The following ZNF676 variants were observed in gnomAD, a reference collection of about 807,000 sequenced individuals.
ZNF676 encodes zinc finger protein 676.
In ZNF676, 4 loss-of-function variants were observed where a neutral mutation model predicts 6.0. That is an observed-to-expected ratio of 0.67 (90% CI 0.33 to 1.53). The LOEUF is 1.53. Among genes scored for constraint, ZNF676 ranks in the 40% most tolerant of loss-of-function variants. ZNF676 has a pLI of 0.06. For synonymous variants in ZNF676, 198 were observed against 223.1 expected (o/e 0.89, Z 1.00); for missense variants, 644 against 679.7 (o/e 0.95, Z 0.58).
the ZNF676 span, among the ~76,000 whole-genome samples, chr19:22,238,790 G>A: frequency 5.3e-5 from 8 of 152,266 alleles, no homozygotes; most frequent in South Asian, 1.0e-3. Flanking sequence ...TGATGTTCAA[G>A]GGCAGGAAGC....
At position 22,181,357 on chromosome 19, in the gene ZNF676, G is replaced by A. The variant is rs754722505; in HGVS notation, c.360C>T (p.Asn120=). Reference sequence around the variant, plus strand: ...TTGAATTTGAACATTTATGAAAGACGTTTGCATATTTGCCACATTGAAATA... The same window carrying A: ...TTGAATTTGAACATTTATGAAAGACATTTGCATATTTGCCACATTGAAATA... ...SKVFQCGKYA[N]VFHKCSNSNR... Residue 120 remains asparagine, a synonymous_variant, in exon 3 of 3, where the codon AAC becomes AAT. Transcript: ENST00000397121. 38 of 1,613,500 alleles carry A rather than the reference G, an allele frequency of 2.4e-5. No homozygotes were observed. The highest frequency in any genetic ancestry group is 2.1e-4 in the African/African-American group (16 of 74,874).
At chr19:22,217,692 CTGTTTGTTTGTT>C (rs112661841), upstream of ZNF676, among the ~76,000 whole-genome samples, 416 of 147,686 alleles carry the variant, frequency 2.8e-3, no homozygotes, top group African/African-American at 9.3e-3. Context: ...ATGGTCTTTT[CTGTTTGTTTGTT>C]TGTTTGTTTG....
chr19:22,181,440 C>T lies in ZNF676; in HGVS notation c.277G>A (p.Val93Met), dbSNP rs184119584. The change falls in exon 3 of 3, where the codon GTG (valine) becomes ATG (methionine). Residue 93 changes from valine to methionine, a missense_variant. Around this residue, in one of 5 missense-constraint regions of ZNF676, gnomAD observed 280 missense variants for 269.3 expected, o/e 1.04. Coordinates refer to ENST00000397121, the MANE Select transcript of ZNF676 (RefSeq NM_001001411.3). The part of the protein sequence containing the change: ...ISCTNVDECN[V>M]HKEGYNKLNQ... Reference sequence around the variant, plus strand: ...AGTTTATTATAACCTTCTTTGTGCACGTTACACTCATCCACATTGGTACAA... The same window carrying T: ...AGTTTATTATAACCTTCTTTGTGCATGTTACACTCATCCACATTGGTACAA... 108 of 1,613,672 alleles carry T rather than the reference C, an allele frequency of 6.7e-5. No homozygotes were observed. Among genetic ancestry groups the T allele is most frequent in the Admixed American group, 1.0e-4 (6 of 59,986 alleles).
chr19:22,224,818 G>A, the ZNF676 span, among the ~76,000 whole-genome samples: 1 of 152,082 alleles, frequency 6.6e-6, no homozygotes, highest in Non-Finnish European at 1.5e-5. Flanking sequence ...AACATATAAA[G>A]ACCTGCTGTA....
the ZNF676 span, among the ~76,000 whole-genome samples, chr19:22,240,837 A>G: frequency 1.3e-5 from 2 of 152,054 alleles, no homozygotes; most frequent in South Asian, 2.1e-4. Context: ...CTGAGCCCAG[A>G]TATGTCCCAA....
the ZNF676 span, among the ~76,000 whole-genome samples, chr19:22,253,403 T>A: frequency 2.2e-5 from 2 of 91,150 alleles, no homozygotes; most frequent in Admixed American, 2.2e-4. Context: ...TATGATAATG[T>A]GTATATATAT....
At chr19:22,241,352 A>G in the ZNF676 span, among the ~76,000 whole-genome samples, 1 of 151,776 alleles carries the variant, frequency 6.6e-6, no homozygotes, top group Admixed American at 6.6e-5. Context: ...TACACAAAAG[A>G]CCCAATCCCT....
rs2023927051 is a variant in ZNF676, at chr19:22,192,953, G to GT, written c.130+62_130+63insA. 6.0e-6 allele frequency: 9 copies of GT among 1,500,512 alleles called. No homozygotes were observed. The East Asian group carries it at 2.0e-4, about 33-fold the overall frequency. The allele number at this position is 1,500,512 out of a possible 1,614,324, so 92.9% of individuals were successfully genotyped here. A position where few individuals can be genotyped will look rare whatever the true frequency, so the allele number is the denominator to read the frequency against. ...AACACAGCTTCCCAAATGACTTTAA[G>GT]GACTGGCTTCCTCATTGACTTTGGA... On this transcript the variant is annotated intron_variant, in intron 2 of 2. Coordinates refer to ENST00000397121, the MANE Select transcript of ZNF676 (RefSeq NM_001001411.3).
At chr19:22,235,121 C>CAGGAAGGAAGGAAGGAAGGA in the ZNF676 span, among the ~76,000 whole-genome samples, 67 of 131,794 alleles carry the variant, frequency 5.1e-4, 2 homozygotes, top group African/African-American at 1.6e-3. Flanking sequence ...GGCAGGAAGG[C>CAGGAAGGAAGGAAGGAAGGA]AGGAAGGAAG....
At chr19:22,232,891 T>G in the ZNF676 span, among the ~76,000 whole-genome samples, 4 of 152,196 alleles carry the variant, frequency 2.6e-5, no homozygotes, top group African/African-American at 9.6e-5. Context: ...TAATGCAATG[T>G]TCTTTAAAAG....
At chr19:22,255,362 G>T in the ZNF676 span, among the ~76,000 whole-genome samples, 12 of 152,066 alleles carry the variant, frequency 7.9e-5, no homozygotes, top group Non-Finnish European at 1.8e-4. Context: ...GGCCCTTTAG[G>T]ACACTCTCTG....
chr19:22,211,209 C>T (rs1284730424), intron 1 of ZNF676, among the ~76,000 whole-genome samples: 6 of 152,004 alleles, frequency 3.9e-5, no homozygotes, highest in Admixed American at 1.3e-4. Flanking sequence ...TCTATCTTAA[C>T]CTTAACTGCA....
the ZNF676 span, among the ~76,000 whole-genome samples, chr19:22,226,341 T>C: frequency 6.6e-6 from 1 of 152,048 alleles, no homozygotes; most frequent in East Asian, 1.9e-4. Flanking sequence ...GGAAAGTTTA[T>C]TACCTCCTCT....
At chr19:22,196,507 C>G in intron 1 of ZNF676, 93 bp downstream of exon 1, 1 of 1,601,482 alleles carries the variant, frequency 6.2e-7, no homozygotes, top group Non-Finnish European at 8.5e-7. Flanking sequence ...TCTGTATTCT[C>G]GCATTCATCC....
chr19:22,249,375 G>A, the ZNF676 span, among the ~76,000 whole-genome samples: 1 of 152,076 alleles, frequency 6.6e-6, no homozygotes, highest in African/African-American at 2.4e-5. Context: ...TGAACATATT[G>A]GCTAAAGTTA....
the ZNF676 span, among the ~76,000 whole-genome samples, chr19:22,231,601 C>CTTTA: frequency 3.0e-5 from 2 of 67,706 alleles, no homozygotes; most frequent in African/African-American, 1.7e-4. Context: ...TTAGCTGTAT[C>CTTTA]TTTATTTATT....
At chr19:22,194,473 C>T (rs2023946334) in intron 1 of ZNF676, among the ~76,000 whole-genome samples, 1 of 152,108 alleles carries the variant, frequency 6.6e-6, no homozygotes. Flanking sequence ...TAGTAGTTGA[C>T]AGATCTAAAA....
At chr19:22,249,217 T>C in the ZNF676 span, among the ~76,000 whole-genome samples, 1 of 152,318 alleles carries the variant, frequency 6.6e-6, no homozygotes, top group South Asian at 2.1e-4. Flanking sequence ...GTGCTTTTGG[T>C]AAATGATCAT....
the ZNF676 span, among the ~76,000 whole-genome samples, chr19:22,251,065 A>G: frequency 1.3e-5 from 2 of 152,292 alleles, no homozygotes; most frequent in African/African-American, 4.8e-5. Flanking sequence ...TGGGACCCCA[A>G]GAAGAGAGAA....
Sources: allele counts gnomAD v4.1 joint callset (sites outside exome capture counted in the v4.1 genomes callset), GRCh38; gene constraint gnomAD v4.1.1; regional missense constraint gnomAD v4.1.1; transcripts MANE v1.5; gene names NCBI Gene and HGNC (gene_info 2026-07-23, HGNC 2026-07-21).